The following PTPRN2 variants were observed in gnomAD, a reference collection of about 807,000 sequenced individuals.
The protein encoded by PTPRN2 is receptor-type tyrosine-protein phosphatase N2.
PTPRN2 carries 74 observed loss-of-function variants against 118.8 expected under a neutral mutation model. That is an observed-to-expected ratio of 0.62 (90% CI 0.52 to 0.76). The LOEUF (loss-of-function observed/expected upper bound fraction) is 0.76. Ranked by LOEUF, PTPRN2 falls within the 30% of genes least tolerant of loss-of-function variation. PTPRN2 has a pLI of 0.00. For missense variants in PTPRN2, 1,481 were observed against 1,394.4 expected (o/e 1.06, Z -0.99); for synonymous variants, 641 against 608.0 (o/e 1.05, Z -0.80).
At position 157,831,067 on chromosome 7, in the gene PTPRN2, G is replaced by A. The variant is rs148934629; in HGVS notation, c.1788+67606C>T. 6.6e-6 allele frequency among the ~76,000 whole-genome samples: 1 copy of A among 152,246 alleles called. No individual in the cohort carries two copies. Among genetic ancestry groups the A allele is most frequent in the Non-Finnish European group, 1.5e-5 (1 of 68,044 alleles). Reference sequence around the variant, plus strand: ...GTTGGTGACTCTGGAGGAAGAGGGTGCAGGTGCTCATTTTACTCTTCTTTC... The same window carrying A: ...GTTGGTGACTCTGGAGGAAGAGGGTACAGGTGCTCATTTTACTCTTCTTTC... On this transcript the variant is annotated intron_variant, in intron 12 of 22. Transcript: ENST00000389418. The surrounding 1 kb of genome is among the most constrained non-coding windows in gnomAD (Gnocchi z 4.8).
intron 11 of PTPRN2, among the ~76,000 whole-genome samples, chr7:158,023,065 G>C (rs1807017095): frequency 6.6e-6 from 1 of 152,208 alleles, no homozygotes; most frequent in African/African-American, 2.4e-5. Context: ...GCACAAAGCA[G>C]AACGGTGGCT....
At chr7:158,256,623 G>A (rs972722940) in intron 3 of PTPRN2, among the ~76,000 whole-genome samples, 22 of 152,048 alleles carry the variant, frequency 1.4e-4, no homozygotes, top group Non-Finnish European at 2.9e-5. Context: ...AAGTGATGAC[G>A]GCAGAGAAGA....
chr7:157,685,752 A>G (rs1585236381), intron 12 of PTPRN2, among the ~76,000 whole-genome samples: 1 of 152,290 alleles, frequency 6.6e-6, no homozygotes, highest in African/African-American at 2.4e-5. Context: ...AAAAATGTCA[A>G]GGAGAGCGAT....
chr7:158,094,692 A>G (rs1814484774), intron 10 of PTPRN2, among the ~76,000 whole-genome samples: 1 of 152,212 alleles, frequency 6.6e-6, no homozygotes, highest in Non-Finnish European at 1.5e-5. Context: ...ATTATTAGTG[A>G]CTAACATTTA....
At chr7:157,816,148 T>G (rs988276221) in intron 12 of PTPRN2, among the ~76,000 whole-genome samples, 1 of 152,174 alleles carries the variant, frequency 6.6e-6, no homozygotes, top group Non-Finnish European at 1.5e-5. Context: ...CAGAATTCCA[T>G]GAATTGCAGC....
chr7:158,205,939 C>G (rs1400652956), intron 3 of PTPRN2, among the ~76,000 whole-genome samples: 1 of 152,194 alleles, frequency 6.6e-6, no homozygotes, highest in Non-Finnish European at 1.5e-5. Flanking sequence ...TGAGTTCTGA[C>G]AAGCCTCACC....
At chr7:158,320,733 G>A (rs1184357230) in intron 2 of PTPRN2, among the ~76,000 whole-genome samples, 1 of 152,212 alleles carries the variant, frequency 6.6e-6, no homozygotes, top group Non-Finnish European at 1.5e-5. Context: ...ACTTCATGAT[G>A]TGGGTGTCCT....
intron 2 of PTPRN2, among the ~76,000 whole-genome samples, chr7:158,346,736 G>C (rs1478751903): frequency 6.6e-6 from 1 of 152,172 alleles, no homozygotes; most frequent in Non-Finnish European, 1.5e-5. Context: ...TAGTGCACAA[G>C]ATTTCCCTTT....
chr7:157,903,043 T>C lies in PTPRN2; in HGVS notation c.1724-4306A>G, dbSNP rs1357637674. On this transcript the variant is annotated intron_variant, in intron 11 of 22. Transcript: ENST00000389418. The surrounding 1 kb of genome is among the most constrained non-coding windows in gnomAD (Gnocchi z 4.2). Reference sequence around the variant, plus strand: ...AGGACACAATTTGGGGCCACCATCCTAAGCAAATTAACGCAAAAGCAGAAA... The same window carrying C: ...AGGACACAATTTGGGGCCACCATCCCAAGCAAATTAACGCAAAAGCAGAAA... Among the ~76,000 whole-genome samples the C allele has an allele frequency of 6.6e-6, 1 of 152,172 alleles. No individual in the cohort carries two copies. The highest frequency in any genetic ancestry group is 1.5e-5 in the Non-Finnish European group (1 of 68,040).
chr7:158,136,606 A>G, intron 8 of PTPRN2, 49 bp downstream of exon 8: 2 of 1,579,632 alleles, frequency 1.3e-6, no homozygotes, highest in Non-Finnish European at 8.7e-7. Context: ...CAAAAAGATC[A>G]CCAACTTCCA....
At chr7:158,324,063 A>G (rs867835248) in intron 2 of PTPRN2, among the ~76,000 whole-genome samples, 3,010 of 149,374 alleles carry the variant, frequency 0.02, 90 homozygotes, top group African/African-American at 0.069. Flanking sequence ...AAACGTGCAC[A>G]CACACACACA....
At chr7:158,145,947 C>T (rs2150491195) in intron 6 of PTPRN2, among the ~76,000 whole-genome samples, 1 of 152,278 alleles carries the variant, frequency 6.6e-6, no homozygotes, top group East Asian at 1.9e-4. Flanking sequence ...GTTTCCATAT[C>T]TGTAAAATGG....
chr7:157,883,978 A>G lies in PTPRN2; in HGVS notation c.1788+14695T>C, dbSNP rs113931150. 6.4e-3 allele frequency among the ~76,000 whole-genome samples: 979 copies of G among 152,248 alleles called. 9 individuals are homozygous for G. Among genetic ancestry groups the G allele is most frequent in the African/African-American group, 0.022 (916 of 41,546 alleles). ...CCCCAAAATGACTGTCAGAAACCAGAACACATCACCCCAAAAATGACTGTT... is the reference window on the plus strand; with the variant it reads ...CCCCAAAATGACTGTCAGAAACCAGGACACATCACCCCAAAAATGACTGTT... On this transcript the variant is annotated intron_variant, in intron 12 of 22. Coordinates refer to ENST00000389418, the MANE Select transcript of PTPRN2 (RefSeq NM_002847.5).
chr7:158,496,258 T>A (rs1821841281), intron 1 of PTPRN2, among the ~76,000 whole-genome samples: 1 of 70,300 alleles, frequency 1.4e-5, no homozygotes, highest in Non-Finnish European at 2.7e-5. Flanking sequence ...CACCCCTTCA[T>A]CTTCCCTGCA....
In PTPRN2 at chr7:158,023,754, A is replaced by G. The variant is rs545455166; in HGVS notation, c.1723+57544T>C. Among the ~76,000 whole-genome samples, 36 of 152,286 alleles carry G rather than the reference A, an allele frequency of 2.4e-4. 2 individuals are homozygous for G. The South Asian group carries it at 6.6e-3, about 28-fold the overall frequency. ...TCATCTCCTCCTTACCCTTGCCCTC[A>G]TCAAGCCACTCAGTCATGTCAGTCC... On this transcript the variant is annotated intron_variant, in intron 11 of 22. Coordinates refer to ENST00000389418, the MANE Select transcript of PTPRN2 (RefSeq NM_002847.5).
chr7:158,167,755 G>A (rs1823163899), intron 5 of PTPRN2, among the ~76,000 whole-genome samples: 1 of 152,202 alleles, frequency 6.6e-6, no homozygotes, highest in African/African-American at 2.4e-5. Context: ...ATCACACCAT[G>A]TGTGGCATCT....
At chr7:158,437,530 C>A (rs1816653882) in intron 2 of PTPRN2, among the ~76,000 whole-genome samples, 1 of 152,192 alleles carries the variant, frequency 6.6e-6, no homozygotes, top group South Asian at 2.1e-4. Flanking sequence ...CACTAGACAG[C>A]CAGATCGAGG....
chr7:157,799,758 G>A (rs1320988511), intron 12 of PTPRN2, among the ~76,000 whole-genome samples: 3 of 149,376 alleles, frequency 2.0e-5, no homozygotes, highest in Admixed American at 1.3e-4. Context: ...ACCACCTCCC[G>A]AGCCGGCCCC....
At chr7:158,419,858 C>A (rs901271609) in intron 2 of PTPRN2, among the ~76,000 whole-genome samples, 7 of 152,160 alleles carry the variant, frequency 4.6e-5, no homozygotes, top group African/African-American at 2.4e-5. Flanking sequence ...GCAGTCATTA[C>A]TTCAAAGCCC....
Sources: gnomAD v4.1 joint callset for allele counts (sites outside exome capture counted in the v4.1 genomes callset) on GRCh38, gnomAD v4.1.1 for gene constraint, Gnocchi (gnomAD v3.1) non-coding constraint, MANE v1.5 for transcripts, NCBI Gene and HGNC (gene_info 2026-07-23, HGNC 2026-07-21) for gene names.